The following PKHD1L1 variants were observed in gnomAD, a reference collection of about 807,000 sequenced individuals.
PKHD1L1 encodes the protein PKHD1 like 1.
In PKHD1L1, 434 loss-of-function variants were observed where a neutral mutation model predicts 462.9. The ratio of observed to expected loss-of-function variants is 0.94; its 90% CI spans 0.87 to 1.02. PKHD1L1 has a LOEUF of 1.02. Ranked by LOEUF, PKHD1L1 falls within the 50% of genes least tolerant of loss-of-function variation. The pLI is 0.00. For synonymous variants in PKHD1L1, 1,781 were observed against 1,750.0 expected (o/e 1.02, Z -0.44); for missense variants, 5,202 against 5,096.1 (o/e 1.02, Z -0.63).
At chr8:109,505,301 C>G (rs1819635203) in intron 68 of PKHD1L1, among the ~76,000 whole-genome samples, 1 of 152,060 alleles carries the variant, frequency 6.6e-6, no homozygotes, top group African/African-American at 2.4e-5. Context: ...TATCCTATCA[C>G]AGGTACCCCA....
At position 109,459,802 on chromosome 8, in the gene PKHD1L1, C is replaced by T. The variant is rs745405318; in HGVS notation, c.7212C>T (p.Asn2404=). ...IRGSDNVEWN[N]KIPACPDGFD... The stretch of plus-strand genomic sequence containing the variant: ...GATCTGATAATGTTGAGTGGAATAA[C>T]AAAATTCCTGCATGTCCTGATGGAT... The change falls in exon 47 of 78, where the codon AAC becomes AAT. Residue 2404 remains asparagine, a synonymous_variant. Transcript: ENST00000378402. The T allele has an allele frequency of 1.9e-5, 31 of 1,611,348 alleles. No homozygotes were observed. The highest frequency in any genetic ancestry group is 2.5e-5 in the Non-Finnish European group (30 of 1,178,484).
chr8:109,512,355 C>G (rs1399267863), intron 71 of PKHD1L1, among the ~76,000 whole-genome samples: 1 of 151,300 alleles, frequency 6.6e-6, no homozygotes, highest in Non-Finnish European at 1.5e-5. Context: ...TTTAATCCAT[C>G]TTGAATTAAT....
In PKHD1L1 at chr8:109,535,679, A is replaced by C. The variant is rs1272470652; in HGVS notation, c.*5589A>C. ...AGACACTGGAAAATTTAAAAAGGTC[A>C]GTTACTATGAAGAAGGTGTAACAAT... On this transcript the variant is annotated 3_prime_UTR_variant, in exon 78 of 78. Transcript: ENST00000378402. 6.6e-6 allele frequency among the ~76,000 whole-genome samples: 1 copy of C among 152,240 alleles called. No individual in the cohort carries two copies. Among genetic ancestry groups the C allele is most frequent in the African/African-American group, 2.4e-5 (1 of 41,466 alleles).
At chr8:109,451,978 G>T in intron 41 of PKHD1L1, 146 bp from the exon 42 acceptor site, 6 of 641,052 alleles carry the variant, frequency 9.4e-6, no homozygotes, top group South Asian at 2.9e-5. Flanking sequence ...TCTTAATATT[G>T]AAAAAAAGCA....
chr8:109,454,829 G>C lies in PKHD1L1; in HGVS notation c.6851G>C (p.Arg2284Pro), dbSNP rs756942445. ...TATGGTGCCAAAACACTGGCTGTGC[G>C]GGAGGGAATCCTGGATCTGCACGGT... is the stretch of plus-strand genomic sequence containing the variant. ...PVYGAKTLAV[R>P]EGILDLHGVP... Residue 2284 changes from arginine (R) to proline (P), a missense_variant, in exon 45 of 78, where the codon CGG becomes CCG. By Grantham distance (103) the Arg-to-Pro change is moderately radical. Around this residue, in one of 3 missense-constraint regions of PKHD1L1, gnomAD observed 4,497 missense variants for 4,336.8 expected, o/e 1.04. Coordinates refer to ENST00000378402, the MANE Select transcript of PKHD1L1 (RefSeq NM_177531.6). 6.2e-7 allele frequency: 1 copy of C among 1,613,734 alleles called. No individual in the cohort carries two copies. The highest frequency in any genetic ancestry group is 8.5e-7 in the Non-Finnish European group (1 of 1,179,738).
At chr8:109,431,467 C>T (rs973967223) in intron 27 of PKHD1L1, among the ~76,000 whole-genome samples, 1 of 152,208 alleles carries the variant, frequency 6.6e-6, no homozygotes, top group Admixed American at 6.5e-5. Flanking sequence ...TCTCGAGGGA[C>T]AATCACAGTA....
chr8:109,523,215 CTT>C lies in PKHD1L1; in HGVS notation c.12331-4_12331-3del, dbSNP rs71305955. 248,843 of 1,400,096 alleles carry C rather than the reference CTT, an allele frequency of 0.18. 6,291 individuals are homozygous for C. Among genetic ancestry groups the C allele is most frequent in the Admixed American group, 0.34 (15,741 of 46,410 alleles). 86.7% of individuals were successfully genotyped at this position (1,400,096 alleles called of 1,614,324 possible). A position where few individuals can be genotyped will look rare whatever the true frequency, so the allele number is the denominator to read the frequency against. On this transcript the variant is annotated splice_polypyrimidine_tract_variant and intron_variant, in intron 75 of 77. Coordinates refer to ENST00000378402, the MANE Select transcript of PKHD1L1 (RefSeq NM_177531.6). ...ACAGGACAATTGTTATAATTATCTA[CTT>C]TTTTTTTTTTTTTAGGGTAACTGTG...
At chr8:109,435,129 C>T in intron 28 of PKHD1L1, 61 bp from the exon 29 acceptor site, 3 of 1,567,636 alleles carry the variant, frequency 1.9e-6, no homozygotes, top group Middle Eastern at 1.7e-4. Flanking sequence ...GCAAGCATAA[C>T]TTTTATCTCA....
At position 109,389,131 on chromosome 8, in the gene PKHD1L1, A is replaced by G. The variant is rs1266227429; in HGVS notation, c.676A>G (p.Lys226Glu). 1.9e-6 allele frequency: 3 copies of G among 1,610,258 alleles called. No individual in the cohort carries two copies. The highest frequency in any genetic ancestry group is 2.5e-6 in the Non-Finnish European group (3 of 1,177,422). ...PNGDMGSMVCKTTGTFIGHHN... is the reference protein window; with the variant it reads ...PNGDMGSMVCETTGTFIGHHN... ...TGGAGATATGGGTTCTATGGTTTGTAAGACGACTGGAACTTTTATTGGCAA... is the reference window on the plus strand; with the variant it reads ...TGGAGATATGGGTTCTATGGTTTGTGAGACGACTGGAACTTTTATTGGCAA... Residue 226 changes from lysine (K) to glutamate (E), a missense_variant, in exon 8 of 78, where the codon AAG becomes GAG. Coordinates refer to ENST00000378402, the MANE Select transcript of PKHD1L1 (RefSeq NM_177531.6).
chr8:109,481,650 A>G, intron 56 of PKHD1L1, 88 bp downstream of exon 56: 2 of 1,180,564 alleles, frequency 1.7e-6, no homozygotes, highest in Non-Finnish European at 2.2e-6. Flanking sequence ...TCAGTTCATA[A>G]TGATAAATAC....
intron 21 of PKHD1L1, 121 bp downstream of exon 21, chr8:109,413,666 A>C: frequency 3.3e-6 from 2 of 613,856 alleles, no homozygotes; most frequent in Non-Finnish European, 4.9e-6. Flanking sequence ...AGGGCAAATA[A>C]TGCACACAAT....
intron 25 of PKHD1L1, among the ~76,000 whole-genome samples, chr8:109,427,580 A>AT (rs952276568): frequency 1.6e-4 from 25 of 152,100 alleles, no homozygotes; most frequent in African/African-American, 5.3e-4. Context: ...TATAAAGATG[A>AT]TTTTTTCCAA....
intron 39 of PKHD1L1, among the ~76,000 whole-genome samples, chr8:109,448,755 T>A (rs867554856): frequency 6.6e-6 from 1 of 152,026 alleles, no homozygotes; most frequent in Non-Finnish European, 1.5e-5. Context: ...TTGCTTTATG[T>A]AGCAAATAAA....
chr8:109,524,813 C>T (rs904209740), intron 76 of PKHD1L1, among the ~76,000 whole-genome samples: 1 of 149,750 alleles, frequency 6.7e-6, no homozygotes, highest in African/African-American at 2.5e-5. Context: ...TCCATCCCTC[C>T]TTCCTTCCTT....
In PKHD1L1 at chr8:109,412,393, T is replaced by G; in HGVS notation, c.2214T>G (p.Ile738Met). The G allele has an allele frequency of 6.2e-7, 1 of 1,612,660 alleles. No individual in the cohort carries two copies. The highest frequency in any genetic ancestry group is 8.5e-7 in the Non-Finnish European group (1 of 1,179,186). The change falls in exon 20 of 78, where the codon ATT becomes ATG. Residue 738 changes from isoleucine to methionine, a missense_variant. By Grantham distance (10) the Ile-to-Met change is conservative. This residue lies in a region of PKHD1L1 where 4,497 missense variants were observed against 4,336.8 expected (regional missense o/e 1.04). Transcript: ENST00000378402. ...CAAACAGACGACCATATGGAGATAT[T>G]TTATTGTTTCCTTATAATCAGGTAA... is the stretch of plus-strand genomic sequence containing the variant. ...VKPNRRPYGD[I>M]LLFPYNQLCL...
chr8:109,441,114 G>C (rs928309519), intron 33 of PKHD1L1, among the ~76,000 whole-genome samples, 161 bp from the exon 34 acceptor site: 3 of 152,042 alleles, frequency 2.0e-5, no homozygotes, highest in Admixed American at 6.6e-5. Context: ...ACTCACACAT[G>C]ATTACTATCA....
Position 109,385,554 on chromosome 8 carries a change from C to A in PKHD1L1, c.493C>A (p.Gln165Lys). Reference sequence around the variant, plus strand: ...GTTTTCAGGTACACTAATAACAATCCAAGGCAGAATCTTCACTGATGTCTA... The same window carrying A: ...GTTTTCAGGTACACTAATAACAATCAAAGGCAGAATCTTCACTGATGTCTA... ...SGTPGTLITI[Q>K]GRIFTDVYGS... Residue 165 changes from glutamine (Q) to lysine (K), a missense_variant, in exon 6 of 78, where the codon CAA becomes AAA. Coordinates refer to ENST00000378402, the MANE Select transcript of PKHD1L1 (RefSeq NM_177531.6). 1.3e-6 allele frequency: 2 copies of A among 1,599,738 alleles called. No individual in the cohort carries two copies. The highest frequency in any genetic ancestry group is 8.5e-7 in the Non-Finnish European group (1 of 1,171,650).
chr8:109,426,745 C>G (rs960020113), intron 24 of PKHD1L1, among the ~76,000 whole-genome samples: 3 of 152,140 alleles, frequency 2.0e-5, no homozygotes, highest in Admixed American at 6.6e-5. Flanking sequence ...CTCCGCCTTC[C>G]GGGTTCAAGT....
At chr8:109,485,734 T>C (rs530115724) in intron 58 of PKHD1L1, among the ~76,000 whole-genome samples, 1 of 151,770 alleles carries the variant, frequency 6.6e-6, no homozygotes, top group South Asian at 2.1e-4. Flanking sequence ...AGTTAGAAAA[T>C]CCTTTCAGAT....
Sources: gnomAD v4.1 joint callset for allele counts (sites outside exome capture counted in the v4.1 genomes callset) on GRCh38, gnomAD v4.1.1 for gene constraint, gnomAD v4.1.1 regional missense constraint, MANE v1.5 for transcripts, NCBI Gene and HGNC (gene_info 2026-07-23, HGNC 2026-07-21) for gene names.